ZNF76: variants seen among roughly 807,000 people sequenced by gnomAD.
ZNF76 encodes the protein zinc finger protein 523.
A neutral mutation model predicts 66.9 loss-of-function variants in ZNF76; 66 were observed. The ratio of observed to expected loss-of-function variants is 0.99; its 90% CI spans 0.81 to 1.21. The LOEUF is 1.21. Ranked by LOEUF, ZNF76 falls within the 50% of genes most tolerant of loss-of-function variation. ZNF76 has a pLI of 0.00. For missense variants in ZNF76, 729 were observed against 760.3 expected (o/e 0.96, Z 0.48); for synonymous variants, 275 against 296.1 (o/e 0.93, Z 0.73).
In ZNF76 at chr6:35,295,559, G is replaced by C; in HGVS notation, c.*311G>C. 2 of 388,510 alleles carry C rather than the reference G, an allele frequency of 5.1e-6. No individual in the cohort carries two copies. The highest frequency in any genetic ancestry group is 4.2e-5 in the South Asian group (2 of 47,756). The allele number at this position is 388,510 out of a possible 1,614,324, so 24.1% of individuals were successfully genotyped here. Reference sequence around the variant, plus strand: ...CTAAAGAACACCCTTCTGGCCCTCAGTCTGTTCCCCTTCTCAGGTAGAGAT... The same window carrying C: ...CTAAAGAACACCCTTCTGGCCCTCACTCTGTTCCCCTTCTCAGGTAGAGAT... On this transcript the variant is annotated 3_prime_UTR_variant, in exon 14 of 14. Transcript: ENST00000373953.
intron 1 of ZNF76, among the ~76,000 whole-genome samples, chr6:35,280,524 C>CCA (rs999346641): frequency 1.5e-5 from 2 of 133,966 alleles, no homozygotes; most frequent in African/African-American, 5.6e-5. Flanking sequence ...GATCCCCCCC[C>CCA]CCCCCGCCCT....
chr6:35,287,590 C>T lies in ZNF76; in HGVS notation c.233-56C>T, dbSNP rs541655274. On this transcript the variant is annotated intron_variant, in intron 4 of 13. Transcript: ENST00000373953. This position sits in a 1 kb window ranked among gnomAD's most constrained non-coding sequence, Gnocchi z 4.0. ...CTCTCATTAACTTAAAGCTAGGGTC[C>T]CAGCTGTATCTCTTCCCCTTGTGTG... is the stretch of plus-strand genomic sequence containing the variant. The T allele has an allele frequency of 1.4e-3, 2,101 of 1,508,340 alleles. 5 individuals are homozygous for T. The highest frequency in any genetic ancestry group is 1.7e-3 in the Non-Finnish European group (1,897 of 1,115,670). The allele number at this position is 1,508,340 out of a possible 1,614,324, so 93.4% of individuals were successfully genotyped here.
intron 1 of ZNF76, among the ~76,000 whole-genome samples, chr6:35,278,961 T>G (rs1368619898): frequency 6.6e-6 from 1 of 151,996 alleles, no homozygotes; most frequent in Non-Finnish European, 1.5e-5. Flanking sequence ...AAACAGATAG[T>G]GATGAGTACT....
intron 5 of ZNF76, among the ~76,000 whole-genome samples, chr6:35,289,581 G>T (rs1790080951): frequency 6.6e-6 from 1 of 152,152 alleles, no homozygotes; most frequent in African/African-American, 2.4e-5. Context: ...GAGCAATAAG[G>T]GCTCCCTGCA....
chr6:35,290,728 G>A lies in ZNF76; in HGVS notation c.625+12G>A, dbSNP rs1790262226. The A allele has an allele frequency of 6.2e-7, 1 of 1,613,910 alleles. No individual in the cohort carries two copies. The highest frequency in any genetic ancestry group is 1.3e-5 in the African/African-American group (1 of 74,938). ...GGCCTTTGCCACAGGTAACCTGCCT[G>A]GTGGGCTGCTTCCAGTTGAGGGTGG... On this transcript the variant is annotated intron_variant, in intron 7 of 13. Transcript: ENST00000373953.
intron 6 of ZNF76, 63 bp downstream of exon 6, chr6:35,290,445 T>A: frequency 6.3e-7 from 1 of 1,597,364 alleles, no homozygotes; most frequent in Non-Finnish European, 8.6e-7. Context: ...TAATTCTACC[T>A]TTCTGCTTTG....
chr6:35,261,425 A>G (rs1379164978), intron 1 of ZNF76, among the ~76,000 whole-genome samples: 2 of 152,172 alleles, frequency 1.3e-5, no homozygotes, highest in Non-Finnish European at 2.9e-5. Context: ...CTGTGTGCCA[A>G]GCTCTGGATA....
chr6:35,290,822 AC>A, intron 7 of ZNF76, 106 bp downstream of exon 7: 1 of 1,065,964 alleles, frequency 9.4e-7, no homozygotes, highest in Non-Finnish European at 1.4e-6. Flanking sequence ...TGGAGAAACT[AC>A]CGTCAGAGTA....
intron 1 of ZNF76, among the ~76,000 whole-genome samples, chr6:35,272,019 C>T (rs1436113724): frequency 3.3e-5 from 5 of 152,032 alleles, no homozygotes; most frequent in Admixed American, 6.6e-5. Flanking sequence ...GTGGGAGGAT[C>T]GTTTGAGCCC....
intron 2 of ZNF76, among the ~76,000 whole-genome samples, chr6:35,285,727 T>C (rs539743590): frequency 5.9e-5 from 9 of 152,318 alleles, no homozygotes; most frequent in Middle Eastern, 3.4e-3. Context: ...TGAGGGGATA[T>C]GTTTTGATTT....
chr6:35,288,372 C>A, intron 5 of ZNF76: 1 of 351,898 alleles, frequency 2.8e-6, no homozygotes. Flanking sequence ...CACAGTAGCT[C>A]AGCTGGAAAG....
At chr6:35,294,777 C>T (rs1445339629) in intron 13 of ZNF76, 3 of 615,382 alleles carry the variant, frequency 4.9e-6, no homozygotes, top group Non-Finnish European at 8.8e-6. Flanking sequence ...TTCTGGCCTT[C>T]AGGATAACTC....
At chr6:35,293,170 T>A (rs1790684171) in intron 11 of ZNF76, 126 bp downstream of exon 11, 2 of 1,182,214 alleles carry the variant, frequency 1.7e-6, no homozygotes, top group Non-Finnish European at 1.2e-6. Flanking sequence ...TTTTATAGAC[T>A]TCAGAGGCTG....
At position 35,286,219 on chromosome 6, in the gene ZNF76, C is replaced by G; in HGVS notation, c.154+11C>G. 1 of 1,613,946 alleles carries G rather than the reference C, an allele frequency of 6.2e-7. No individual in the cohort carries two copies. Among genetic ancestry groups the G allele is most frequent in the Admixed American group, 1.7e-5 (1 of 60,014 alleles). On this transcript the variant is annotated intron_variant, in intron 3 of 13. Coordinates refer to ENST00000373953, the MANE Select transcript of ZNF76 (RefSeq NM_003427.5). ...TGACGGTACAGAAAGGTGAGGGCAC[C>G]CCAACACACCATGCCTTGTCGAGGG...
intron 1 of ZNF76, among the ~76,000 whole-genome samples, chr6:35,260,427 AT>A (rs1785063128): frequency 6.6e-6 from 1 of 152,070 alleles, no homozygotes; most frequent in Admixed American, 6.5e-5. Flanking sequence ...CAGTATCTTT[AT>A]CCTGTAGCCG....
chr6:35,292,290 C>A lies in ZNF76; in HGVS notation c.932-264C>A. ...CTCAACCTTATAAGCCCCAGTGCCCCCTACCAGCCCCTTCACTAGCCCCAG... is the reference window on the plus strand; with the variant it reads ...CTCAACCTTATAAGCCCCAGTGCCCACTACCAGCCCCTTCACTAGCCCCAG... On this transcript the variant is annotated intron_variant, in intron 9 of 13. Coordinates refer to ENST00000373953, the MANE Select transcript of ZNF76 (RefSeq NM_003427.5). This position sits in a 1 kb window ranked among gnomAD's most constrained non-coding sequence, Gnocchi z 4.7. 1 of 541,986 alleles carries A rather than the reference C, an allele frequency of 1.8e-6. No homozygotes were observed. The highest frequency in any genetic ancestry group is 3.3e-6 in the Non-Finnish European group (1 of 298,840). The allele number at this position is 541,986 out of a possible 1,614,324, so 33.6% of individuals were successfully genotyped here.
chr6:35,290,126 G>C (rs530697534), intron 5 of ZNF76, 140 bp from the exon 6 acceptor site: 2 of 1,114,694 alleles, frequency 1.8e-6, no homozygotes, highest in African/African-American at 3.1e-5. Flanking sequence ...TTCCTTGTCC[G>C]TCTAGTTATG....
intron 1 of ZNF76, among the ~76,000 whole-genome samples, chr6:35,273,860 G>T (rs1787506649): frequency 3.9e-5 from 3 of 76,086 alleles, no homozygotes; most frequent in Non-Finnish European, 1.3e-4. Flanking sequence ...CTTTTAAAAA[G>T]AAGAAAAAAA....
Position 35,292,772 on chromosome 6 carries a change from C to T in ZNF76, c.1150C>T (p.Gln384Ter). 6.2e-7 allele frequency: 1 copy of T among 1,613,874 alleles called. No individual in the cohort carries two copies. The highest frequency in any genetic ancestry group is 8.5e-7 in the Non-Finnish European group (1 of 1,179,822). Residue 384 changes from glutamine to a stop codon, truncating the protein, a stop_gained, in exon 10 of 14, where the codon CAG becomes TAG. Coordinates refer to ENST00000373953, the MANE Select transcript of ZNF76 (RefSeq NM_003427.5). LOFTEE classifies it high-confidence loss of function. This position sits in a 1 kb window ranked among gnomAD's most constrained non-coding sequence, Gnocchi z 4.7. ...GGAGAGCGAGCAGGCCCTCTATGAG[C>T]AGCAGCAACTTGAGGGTAAGGGGAG... ...TEESEQALYEQQQLEAASAAE... is the reference protein window; with the variant it reads ...TEESEQALYE
Sources: gnomAD v4.1 joint callset for allele counts (sites outside exome capture counted in the v4.1 genomes callset) on GRCh38, gnomAD v4.1.1 for gene constraint, Gnocchi (gnomAD v3.1) non-coding constraint, MANE v1.5 for transcripts, NCBI Gene and HGNC (gene_info 2026-07-23, HGNC 2026-07-21) for gene names.